Variants in ROPN1B observed in about 807,000 individuals in gnomAD.
ROPN1B encodes the protein ropporin-1B.
A neutral mutation model predicts 23.7 loss-of-function variants in ROPN1B; 13 were observed. That is an observed-to-expected ratio of 0.55 (90% CI 0.36 to 0.87). The LOEUF (loss-of-function observed/expected upper bound fraction) is 0.87, where lower values mean the gene tolerates loss of function less well. Among genes scored for constraint, ROPN1B ranks in the 40% least tolerant of loss-of-function variants. The pLI is 0.01. For synonymous variants in ROPN1B, 67 were observed against 100.4 expected (o/e 0.67, Z 1.99); for missense variants, 183 against 249.2 (o/e 0.73, Z 1.79).
chr3:125,975,435 A>C, intron 3 of ROPN1B, 128 bp from the exon 4 acceptor site: 1 of 887,850 alleles, frequency 1.1e-6, no homozygotes, highest in Non-Finnish European at 1.7e-6. Context: ...ACAATGACAC[A>C]TAGAAGCCAC....
At position 125,979,922 on chromosome 3, in the gene ROPN1B, C is replaced by A. The variant is rs75390801; in HGVS notation, c.397-2348C>A. ...GGCACACAGACCTGTATTCCTCCCC[C>A]CTTCAGCACTCCTTCCTCTGGACTG... On this transcript the variant is annotated intron_variant, in intron 5 of 6. Coordinates refer to ENST00000514116, the MANE Select transcript of ROPN1B (RefSeq NM_001308313.2). 5.8e-4 allele frequency among the ~76,000 whole-genome samples: 88 copies of A among 152,354 alleles called. 4 individuals are homozygous for A. In the East Asian group the frequency reaches 0.015, roughly 26 times the overall value.
At chr3:125,977,926 A>G (rs1938482202) in intron 5 of ROPN1B, 1 of 152,440 alleles carries the variant, frequency 6.6e-6, no homozygotes, top group African/African-American at 2.4e-5. Flanking sequence ...TGCCTCTGCC[A>G]AAAACAAATG....
At chr3:125,970,407 C>T (rs2107596498) in intron 1 of ROPN1B, among the ~76,000 whole-genome samples, 1 of 152,240 alleles carries the variant, frequency 6.6e-6, no homozygotes, top group African/African-American at 2.4e-5. Flanking sequence ...GTAATGGAGA[C>T]TTTCATTTAT....
chr3:125,983,053 A>C (rs1168695011), intron 6 of ROPN1B, among the ~76,000 whole-genome samples: 1 of 152,178 alleles, frequency 6.6e-6, no homozygotes, highest in Non-Finnish European at 1.5e-5. Context: ...GCTTGAGCCC[A>C]GGAGGCAGAG....
intron 5 of ROPN1B, among the ~76,000 whole-genome samples, chr3:125,979,094 C>T (rs1938521617): frequency 6.6e-6 from 1 of 152,182 alleles, no homozygotes; most frequent in Non-Finnish European, 1.5e-5. Context: ...TCCTCTGAGA[C>T]ACCCTCAGGC....
At chr3:125,979,984 A>T (rs1238570677) in intron 5 of ROPN1B, among the ~76,000 whole-genome samples, 1 of 152,244 alleles carries the variant, frequency 6.6e-6, no homozygotes, top group African/African-American at 2.4e-5. Flanking sequence ...ACTGATTATT[A>T]AAAAAGGAAG....
intron 6 of ROPN1B, 87 bp downstream of exon 6, chr3:125,982,532 A>AC: frequency 8.7e-7 from 1 of 1,152,438 alleles, no homozygotes; most frequent in Non-Finnish European, 1.2e-6. Context: ...ATTGTATTAT[A>AC]CTGCTCTGGG....
chr3:125,972,249 T>C (rs1358453230), intron 3 of ROPN1B, 79 bp downstream of exon 3: 21 of 1,403,742 alleles, frequency 1.5e-5, no homozygotes, highest in Middle Eastern at 3.5e-4. Context: ...GAGGTTGTCA[T>C]GGCTGCAGCC....
intron 5 of ROPN1B, 66 bp from the exon 6 acceptor site, chr3:125,982,204 C>T: frequency 7.3e-7 from 1 of 1,363,148 alleles, no homozygotes; most frequent in Non-Finnish European, 1.0e-6. Flanking sequence ...TTTCTTGTAT[C>T]TAAATGGATC....
chr3:125,971,900 C>T, intron 2 of ROPN1B, 143 bp from the exon 3 acceptor site: 1 of 619,674 alleles, frequency 1.6e-6, no homozygotes, highest in East Asian at 2.8e-5. Flanking sequence ...CTAACCTTGC[C>T]GTTGTGTAAC....
chr3:125,970,571 T>C (rs1167246065), intron 1 of ROPN1B, among the ~76,000 whole-genome samples: 1 of 152,150 alleles, frequency 6.6e-6, no homozygotes, highest in Non-Finnish European at 1.5e-5. Flanking sequence ...TTTGTTTGCT[T>C]TTTTGTGTTT....
At chr3:125,976,685 A>G (rs1938425247) in intron 4 of ROPN1B, 1 of 484,516 alleles carries the variant, frequency 2.1e-6, no homozygotes, top group African/African-American at 1.9e-5. Flanking sequence ...TCTATCTGTC[A>G]TATAAGGAAT....
At chr3:125,977,549 A>C (rs568855856) in intron 5 of ROPN1B, 7 of 311,248 alleles carry the variant, frequency 2.2e-5, no homozygotes, top group South Asian at 2.2e-4. Flanking sequence ...ACTGTTTAAA[A>C]GGGGTACAAT....
Position 125,972,037 on chromosome 3 carries a change from G to A in ROPN1B, c.-12-6G>A. 9 of 1,612,636 alleles carry A rather than the reference G, an allele frequency of 5.6e-6. No homozygotes were observed. The highest frequency in any genetic ancestry group is 7.6e-6 in the Non-Finnish European group (9 of 1,179,072). ...TCATCTTATGTATTTTTTCTCCTGA[G>A]AATAGGTCAACCAATCAATGGCTCA... On this transcript the variant is annotated splice_region_variant and splice_polypyrimidine_tract_variant and intron_variant, in intron 2 of 6. Coordinates refer to ENST00000514116, the MANE Select transcript of ROPN1B (RefSeq NM_001308313.2).
intron 1 of ROPN1B, chr3:125,969,651 G>A (rs1185752669): frequency 6.7e-6 from 1 of 149,408 alleles, no homozygotes; most frequent in Non-Finnish European, 1.5e-5. Flanking sequence ...CTTACCCGGA[G>A]GACAGTGGTT....
At chr3:125,978,637 G>C (rs768565834) in intron 5 of ROPN1B, among the ~76,000 whole-genome samples, 2 of 152,164 alleles carry the variant, frequency 1.3e-5, no homozygotes, top group Admixed American at 6.5e-5. Context: ...CTGTCTGGTC[G>C]CTAGCTGCTT....
chr3:125,970,167 G>T (rs867572444), intron 1 of ROPN1B: 18 of 151,398 alleles, frequency 1.2e-4, no homozygotes, highest in Middle Eastern at 6.8e-3. Context: ...TGATGCTCTG[G>T]AAGGGTATGT....
intron 3 of ROPN1B, chr3:125,972,902 G>A (rs1305427190): frequency 2.5e-5 from 9 of 361,500 alleles, no homozygotes; most frequent in South Asian, 8.2e-5. Flanking sequence ...GAGACCTCCA[G>A]AGGCTGCTCA....
intron 3 of ROPN1B, chr3:125,973,543 T>C (rs1027150662): frequency 6.1e-6 from 1 of 164,892 alleles, no homozygotes; most frequent in African/African-American, 2.4e-5. Context: ...TCAAACCCAT[T>C]TGATTGTTCT....
Sources: gnomAD v4.1 joint callset for allele counts (sites outside exome capture counted in the v4.1 genomes callset) on GRCh38, gnomAD v4.1.1 for gene constraint, MANE v1.5 for transcripts, NCBI Gene and HGNC (gene_info 2026-07-23, HGNC 2026-07-21) for gene names.